MON2: variants seen among roughly 807,000 people sequenced by gnomAD.
MON2 encodes the protein protein MON2 homolog.
A neutral mutation model predicts 208.6 loss-of-function variants in MON2; 84 were observed. The ratio of observed to expected loss-of-function variants is 0.40; its 90% confidence interval spans 0.34 to 0.48. The LOEUF (loss-of-function observed/expected upper bound fraction) is 0.48, where lower values mean the gene tolerates loss of function less well. Ranked by LOEUF, MON2 falls within the 20% of genes least tolerant of loss-of-function variation. The pLI is 0.59. For synonymous variants in MON2, 660 were observed against 694.0 expected, an observed-to-expected ratio of 0.95 and a Z score of 0.77; for missense variants, 1,611 against 2,015.4, an observed-to-expected ratio of 0.80 and a Z score of 3.84.
Position 62,560,587 on chromosome 12 carries a change from T to C in MON2, c.3506T>C (p.Phe1169Ser). ...NEVSLAALKS[F>S]QEILQIVSPV... ...GTATCTCTGGCTGCTCTGAAAAGCT[T>C]CCAGGAAATTTTACAGATTGTGTCC... The change falls in exon 26 of 35, where the codon TTC (phenylalanine) becomes TCC (serine). Residue 1169 changes from phenylalanine to serine, a missense_variant. Physicochemically the swap from Phe to Ser is radical, Grantham distance 155. Coordinates refer to ENST00000393630, the MANE Select transcript of MON2 (RefSeq NM_015026.3). The C allele has an allele frequency of 6.2e-7, 1 of 1,614,092 alleles. No individual in the cohort carries two copies. The highest frequency in any genetic ancestry group is 8.5e-7 in the Non-Finnish European group (1 of 1,180,008).
chr12:62,592,801 C>A lies in MON2; in HGVS notation c.*52C>A. ...AAGATAGTCTAAAAAATGTTTGCTCCTAATTGAGTCTTCTGTGAGAAGGAC... is the reference window on the plus strand; with the variant it reads ...AAGATAGTCTAAAAAATGTTTGCTCATAATTGAGTCTTCTGTGAGAAGGAC... On this transcript the variant is annotated 3_prime_UTR_variant, in exon 35 of 35. Transcript: ENST00000393630. 1 of 1,471,582 alleles carries A rather than the reference C, an allele frequency of 6.8e-7. No homozygotes were observed. The highest frequency in any genetic ancestry group is 9.2e-7 in the Non-Finnish European group (1 of 1,084,490). 91.2% of individuals were successfully genotyped at this position (1,471,582 alleles called of 1,614,324 possible). A position where few individuals can be genotyped will look rare whatever the true frequency, so the allele number is the denominator to read the frequency against.
chr12:62,565,485 C>A, intron 27 of MON2, 105 bp downstream of exon 27: 1 of 995,480 alleles, frequency 1.0e-6, no homozygotes, highest in Non-Finnish European at 1.4e-6. Flanking sequence ...GGATACTTTT[C>A]ACTCACAAAT....
rs756420802 is a variant in MON2, at chr12:62,467,160, C to T, written c.-48C>T. The stretch of plus-strand genomic sequence containing the variant: ...TGTGGCCCTAAGGAGCTGACCGTGC[C>T]AGAGCTTGTTTGTACCTCTCGGAAA... On this transcript the variant is annotated 5_prime_UTR_variant, in exon 1 of 35. Transcript: ENST00000393630. 9 of 1,535,158 alleles carry T rather than the reference C, an allele frequency of 5.9e-6. No individual in the cohort carries two copies. The highest frequency in any genetic ancestry group is 8.0e-6 in the Non-Finnish European group (9 of 1,119,226).
chr12:62,508,854 A>G (rs1263451448), intron 8 of MON2: 1 of 165,870 alleles, frequency 6.0e-6, no homozygotes, highest in Non-Finnish European at 1.3e-5. Context: ...GATTAAAGCA[A>G]AGACATTAAA....
At position 62,549,095 on chromosome 12, in the gene MON2, A is replaced by C. The variant is rs142044062; in HGVS notation, c.2754-573A>C. 1.1e-4 allele frequency among the ~76,000 whole-genome samples: 16 copies of C among 152,298 alleles called. No homozygotes were observed. The East Asian group carries it at 2.9e-3, about 28-fold the overall frequency. On this transcript the variant is annotated intron_variant, in intron 22 of 34. Transcript: ENST00000393630. Reference sequence around the variant, plus strand: ...TTTGGTTAGTTGGTATGAAATACAAATAGAAGTAATATGATGTTAATACTT... The same window carrying C: ...TTTGGTTAGTTGGTATGAAATACAACTAGAAGTAATATGATGTTAATACTT...
intron 25 of MON2, among the ~76,000 whole-genome samples, chr12:62,559,510 G>A (rs1410458501): frequency 6.6e-6 from 1 of 152,134 alleles, no homozygotes; most frequent in Admixed American, 6.6e-5. Flanking sequence ...AAGTGTGGTG[G>A]TGTGCATCTG....
At chr12:62,528,277 A>G (rs560172313) in intron 11 of MON2, among the ~76,000 whole-genome samples, 1 of 152,310 alleles carries the variant, frequency 6.6e-6, no homozygotes, top group East Asian at 1.9e-4. Context: ...ATATGTATAC[A>G]TCTTGATTGT....
At chr12:62,568,243 A>G (rs867637559) in intron 29 of MON2, among the ~76,000 whole-genome samples, 13 of 152,224 alleles carry the variant, frequency 8.5e-5, no homozygotes, top group African/African-American at 3.1e-4. Context: ...TATGTCTGAA[A>G]ACATAACTGT....
intron 11 of MON2, among the ~76,000 whole-genome samples, chr12:62,527,082 T>C (rs1050269233): frequency 6.6e-6 from 1 of 152,098 alleles, no homozygotes; most frequent in South Asian, 2.1e-4. Context: ...GCTGAGATCA[T>C]GTCACTGCAC....
chr12:62,526,437 A>G (rs887700149), intron 11 of MON2, among the ~76,000 whole-genome samples: 1 of 152,130 alleles, frequency 6.6e-6, no homozygotes, highest in East Asian at 1.9e-4. Flanking sequence ...AGTTACTGTC[A>G]GCAAATTAAT....
Position 62,538,296 on chromosome 12 carries a change from T to A in MON2, c.2244T>A (p.Asn748Lys), listed in dbSNP as rs751615545. ...TGACAGATTTACCAGTGATTTCCAA[T>A]ATACTTTCAAGATTGTTTGAAAGCT... ...AVMTDLPVIS[N>K]ILSRLFESSQ... The change falls in exon 18 of 35, where the codon AAT becomes AAA. Residue 748 changes from asparagine (N) to lysine (K), a missense_variant. By Grantham distance (94) the Asn-to-Lys change is moderately conservative (BLOSUM62 0). Transcript: ENST00000393630. The A allele has an allele frequency of 6.2e-7, 1 of 1,613,620 alleles. No individual in the cohort carries two copies. Among genetic ancestry groups the A allele is most frequent in the East Asian group, 2.2e-5 (1 of 44,840 alleles).
In MON2 at chr12:62,494,371, TTATATGGAGTA is replaced by T. The variant is rs2070353054; in HGVS notation, c.303+330_303+340del. 2.0e-5 allele frequency among the ~76,000 whole-genome samples: 3 copies of T among 152,286 alleles called. No individual in the cohort carries two copies. The South Asian group carries it at 6.2e-4, about 32-fold the overall frequency. On this transcript the variant is annotated intron_variant, in intron 3 of 34. Coordinates refer to ENST00000393630, the MANE Select transcript of MON2 (RefSeq NM_015026.3). Reference sequence around the variant, plus strand: ...GAAGAGCGTGACTCTCTTTCCTAGATTATATGGAGTAATAATTTGTTTTTCATTAACTTAAA... The same window carrying T: ...GAAGAGCGTGACTCTCTTTCCTAGATATAATTTGTTTTTCATTAACTTAAA...
chr12:62,479,443 C>G (rs1290850148), intron 1 of MON2, among the ~76,000 whole-genome samples: 16 of 138,722 alleles, frequency 1.2e-4, no homozygotes, highest in Non-Finnish European at 2.4e-4. Context: ...CCCCCCCCCC[C>G]CCAAATATTT....
chr12:62,552,525 G>A (rs2073796030), intron 23 of MON2, among the ~76,000 whole-genome samples: 1 of 151,862 alleles, frequency 6.6e-6, no homozygotes, highest in African/African-American at 2.4e-5. Flanking sequence ...GGGTGATAAT[G>A]ATATTATAGT....
intron 34 of MON2, 51 bp from the exon 35 acceptor site, chr12:62,592,535 T>C: frequency 7.0e-7 from 1 of 1,437,480 alleles, no homozygotes; most frequent in Non-Finnish European, 9.5e-7. Flanking sequence ...GTTAATTGAA[T>C]AATCTCTATT....
chr12:62,522,735 T>A (rs1310032341), intron 8 of MON2, among the ~76,000 whole-genome samples: 4 of 152,222 alleles, frequency 2.6e-5, no homozygotes, highest in Non-Finnish European at 5.9e-5. Flanking sequence ...GTAGGTTTTC[T>A]CCATTGAGGC....
At position 62,566,047 on chromosome 12, in the gene MON2, T is replaced by G. The variant is rs775660831; in HGVS notation, c.4194+16T>G. On this transcript the variant is annotated intron_variant, in intron 28 of 34. Transcript: ENST00000393630. Reference sequence around the variant, plus strand: ...ATTTGCACCGGTGAGTTAAATTTCCTAAAATTGTCCTAACCTCTTGGCAAC... The same window carrying G: ...ATTTGCACCGGTGAGTTAAATTTCCGAAAATTGTCCTAACCTCTTGGCAAC... 2.2e-5 allele frequency: 36 copies of G among 1,608,304 alleles called. 2 individuals carry two copies. In the South Asian group the frequency reaches 4.0e-4, roughly 18 times the overall value.
At chr12:62,587,868 A>G in intron 33 of MON2, 1 of 392,216 alleles carries the variant, frequency 2.5e-6, no homozygotes, top group Non-Finnish European at 4.5e-6. Flanking sequence ...TGGCAAGAAT[A>G]ACTACAAATT....
chr12:62,567,364 T>C (rs2074422816), intron 29 of MON2, among the ~76,000 whole-genome samples: 1 of 152,242 alleles, frequency 6.6e-6, no homozygotes, highest in East Asian at 1.9e-4. Context: ...ACTCAAATTG[T>C]CATCCTCTTT....
Sources: gnomAD v4.1 joint callset for allele counts (sites outside exome capture counted in the v4.1 genomes callset) on GRCh38, gnomAD v4.1.1 for gene constraint, MANE v1.5 for transcripts, NCBI Gene and HGNC (gene_info 2026-07-23, HGNC 2026-07-21) for gene names.